The following COL4A2 variants were observed in gnomAD, a reference collection of about 807,000 sequenced individuals.
COL4A2 encodes the protein collagen alpha-2(IV) chain.
COL4A2 carries 99 observed loss-of-function variants against 200.2 expected under a neutral mutation model. The ratio of observed to expected loss-of-function variants is 0.49; its 90% CI spans 0.42 to 0.58. The LOEUF is 0.58. Ranked by LOEUF, COL4A2 falls within the 20% of genes least tolerant of loss-of-function variation. COL4A2 has a pLI of 0.00. For missense variants in COL4A2, 1,950 were observed against 2,314.1 expected, an observed-to-expected ratio of 0.84 and a Z score of 3.23; for synonymous variants, 897 against 900.6, an observed-to-expected ratio of 1.00 and a Z score of 0.07.
chr13:110,482,455 C>A, intron 31 of COL4A2, 61 bp from the exon 32 acceptor site: 1 of 1,547,854 alleles, frequency 6.5e-7, no homozygotes, highest in Non-Finnish European at 8.9e-7. Flanking sequence ...AGACGTGAGA[C>A]TGAAATGTCC....
intron 30 of COL4A2, 102 bp downstream of exon 30, chr13:110,478,266 A>C: frequency 8.2e-7 from 1 of 1,223,282 alleles, no homozygotes; most frequent in Non-Finnish European, 1.1e-6. Flanking sequence ...GTTCCATGGA[A>C]CCCCTTAAGA....
At chr13:110,499,337 A>G (rs1012146979) in intron 40 of COL4A2, among the ~76,000 whole-genome samples, 4 of 152,240 alleles carry the variant, frequency 2.6e-5, no homozygotes, top group African/African-American at 9.6e-5. Flanking sequence ...AAGCAAACAC[A>G]TCCTTCTTCA....
intron 3 of COL4A2, among the ~76,000 whole-genome samples, chr13:110,355,320 T>TGA (rs1447684445): frequency 7.2e-5 from 10 of 138,968 alleles, no homozygotes; most frequent in Non-Finnish European, 1.3e-4. Context: ...CTCAACTGTG[T>TGA]GTGGGAGAGG....
chr13:110,362,131 T>C (rs192508583), intron 4 of COL4A2, among the ~76,000 whole-genome samples: 143 of 152,330 alleles, frequency 9.4e-4, no homozygotes, highest in Middle Eastern at 3.4e-3. Flanking sequence ...TTTCCCCTCG[T>C]TATGCAAGAG....
At chr13:110,475,294 G>T (rs950333648) in intron 29 of COL4A2, among the ~76,000 whole-genome samples, 5 of 152,194 alleles carry the variant, frequency 3.3e-5, no homozygotes, top group African/African-American at 1.2e-4. Flanking sequence ...TGAGAGGTGG[G>T]GCTCTGTGTG....
At chr13:110,502,306 G>A (rs569298036) in intron 41 of COL4A2, among the ~76,000 whole-genome samples, 7 of 152,252 alleles carry the variant, frequency 4.6e-5, no homozygotes, top group African/African-American at 9.6e-5. Context: ...AGAGGAGTCC[G>A]TCTTTTTTGT....
At position 110,355,401 on chromosome 13, in the gene COL4A2, T is replaced by C. The variant is rs374300871; in HGVS notation, c.100-2071T>C. Among the ~76,000 whole-genome samples, 136 of 83,696 alleles carry C rather than the reference T, an allele frequency of 1.6e-3. 1 individual carries two copies. Among genetic ancestry groups the C allele is most frequent in the Middle Eastern group, 0.011 (1 of 92 alleles). The allele number at this position is 83,696 out of a possible 152,430, so 54.9% of individuals were successfully genotyped here. ...CACCTGTGTGGGGGGAGGGCTGCAC[T>C]AGCTCACCTGTGTGTGTGGGGGAGG... On this transcript the variant is annotated intron_variant, in intron 3 of 47. Coordinates refer to ENST00000360467, the MANE Select transcript of COL4A2 (RefSeq NM_001846.4).
At position 110,424,895 on chromosome 13, in the gene COL4A2, GC is replaced by G. The variant is rs764272243; in HGVS notation, c.315+29del. The G allele has an allele frequency of 1.9e-6, 3 of 1,614,162 alleles. No individual in the cohort carries two copies. In the South Asian group the frequency reaches 3.3e-5, roughly 18 times the overall value. On this transcript the variant is annotated intron_variant, in intron 5 of 47. Coordinates refer to ENST00000360467, the MANE Select transcript of COL4A2 (RefSeq NM_001846.4). ...TACGCACCGCTGGTGTATTCCCCTGGCCTCATGAGGGTGGCGGGTATCTCAG... is the reference window on the plus strand; with the variant it reads ...TACGCACCGCTGGTGTATTCCCCTGGCTCATGAGGGTGGCGGGTATCTCAG...
At position 110,424,950 on chromosome 13, in the gene COL4A2, T is replaced by A. The variant is rs1352980106; in HGVS notation, c.316-3T>A. On this transcript the variant is annotated splice_polypyrimidine_tract_variant and splice_region_variant and intron_variant, in intron 5 of 47. Coordinates refer to ENST00000360467, the MANE Select transcript of COL4A2 (RefSeq NM_001846.4). Reference sequence around the variant, plus strand: ...TGGTTAATTGCATTTGCTTTCTTCATAGGGAGCAAGAGGCGTTTCTGGATT... The same window carrying A: ...TGGTTAATTGCATTTGCTTTCTTCAAAGGGAGCAAGAGGCGTTTCTGGATT... 1 of 1,614,248 alleles carries A rather than the reference T, an allele frequency of 6.2e-7. No homozygotes were observed. Among genetic ancestry groups the A allele is most frequent in the East Asian group, 2.2e-5 (1 of 44,890 alleles).
At chr13:110,357,881 T>G (rs1197993403) in intron 4 of COL4A2, among the ~76,000 whole-genome samples, 1 of 152,196 alleles carries the variant, frequency 6.6e-6, no homozygotes, top group Non-Finnish European at 1.5e-5. Flanking sequence ...GAACGGAGCT[T>G]GCGGGACTTG....
intron 15 of COL4A2, among the ~76,000 whole-genome samples, chr13:110,438,891 C>T (rs1881017587): frequency 6.6e-6 from 1 of 151,524 alleles, no homozygotes; most frequent in South Asian, 2.1e-4. Flanking sequence ...ACCATCTTGA[C>T]ACACCGTCTT....
At chr13:110,424,140 A>G (rs3929759) in intron 4 of COL4A2, among the ~76,000 whole-genome samples, 39,723 of 151,992 alleles carry the variant, frequency 0.26, 5,302 homozygotes, top group Middle Eastern at 0.3. Context: ...ACCATTTCAC[A>G]TGCCCACCAG....
At chr13:110,410,644 C>T (rs1037204879) in intron 4 of COL4A2, among the ~76,000 whole-genome samples, 3 of 152,276 alleles carry the variant, frequency 2.0e-5, no homozygotes, top group Non-Finnish European at 2.9e-5. Flanking sequence ...GTTTTCTTCA[C>T]GACAAAATAT....
chr13:110,478,568 G>A (rs1882781265), intron 30 of COL4A2, among the ~76,000 whole-genome samples: 1 of 151,894 alleles, frequency 6.6e-6, no homozygotes. Flanking sequence ...GGGAGGGGAG[G>A]CTCGGCTGCA....
At chr13:110,449,456 T>C (rs965050487) in intron 18 of COL4A2, among the ~76,000 whole-genome samples, 1 of 152,180 alleles carries the variant, frequency 6.6e-6, no homozygotes, top group African/African-American at 2.4e-5. Context: ...AGCTTTGGAC[T>C]CACCTACTTC....
intron 4 of COL4A2, among the ~76,000 whole-genome samples, chr13:110,381,107 G>A (rs185335017): frequency 1.4e-5 from 2 of 143,894 alleles, no homozygotes; most frequent in Non-Finnish European, 3.0e-5. Flanking sequence ...TCACACCCAC[G>A]GGCTCTATGT....
intron 20 of COL4A2, among the ~76,000 whole-genome samples, chr13:110,450,784 G>A (rs1403744498): frequency 6.6e-6 from 1 of 152,220 alleles, no homozygotes; most frequent in Non-Finnish European, 1.5e-5. Context: ...ACAGATGTGA[G>A]CTGACATTGC....
At chr13:110,455,493 C>T (rs776110973) in intron 20 of COL4A2, among the ~76,000 whole-genome samples, 8 of 152,286 alleles carry the variant, frequency 5.3e-5, no homozygotes, top group Middle Eastern at 3.4e-3. Context: ...TTCCCCAGCA[C>T]GGGCCATAAT....
rs753574231 is a variant in COL4A2 at position 110,465,421 on chromosome 13, G to A, written c.1793G>A (p.Gly598Asp). ...LPGPPGDGIK[G>D]PPGDPGYPGI... is the part of the protein sequence containing the mutation. Reference sequence around the variant, plus strand: ...TTCACACAGGGTGATGGCATCAAGGGCCCTCCAGGGGACCCAGGCTATCCA... The same window carrying A: ...TTCACACAGGGTGATGGCATCAAGGACCCTCCAGGGGACCCAGGCTATCCA... Residue 598 changes from glycine to aspartate, a missense_variant, in exon 25 of 48, where the codon GGC becomes GAC. Gly to Asp is a moderately conservative substitution (Grantham distance 94). Coordinates refer to ENST00000360467, the MANE Select transcript of COL4A2 (RefSeq NM_001846.4). 1.2e-6 allele frequency: 2 copies of A among 1,611,794 alleles called. No individual in the cohort carries two copies. Among genetic ancestry groups the A allele is most frequent in the Admixed American group, 3.4e-5 (2 of 59,596 alleles).
Sources: allele counts gnomAD v4.1 joint callset (sites outside exome capture counted in the v4.1 genomes callset), GRCh38; gene constraint gnomAD v4.1.1; transcripts MANE v1.5; gene names NCBI Gene and HGNC (gene_info 2026-07-23, HGNC 2026-07-21).